Variants in DENND2C observed in about 807,000 individuals in gnomAD.
The protein encoded by DENND2C is DENN domain containing 2C, also known as DENN domain-containing protein 2C.
In DENND2C, 72 loss-of-function variants were observed where a neutral mutation model predicts 112.4. That is an observed-to-expected ratio of 0.64 (90% confidence interval 0.53 to 0.78). The LOEUF (loss-of-function observed/expected upper bound fraction) is 0.78. DENND2C is among the 30% of genes least tolerant of loss of function. The pLI is 0.00. For missense variants in DENND2C, 992 were observed against 1,113.8 expected (o/e 0.89, Z 1.56); for synonymous variants, 329 against 381.6 (o/e 0.86, Z 1.61).
intron 7 of DENND2C, among the ~76,000 whole-genome samples, chr1:114,621,370 C>T (rs899399678): frequency 6.6e-6 from 1 of 152,238 alleles, no homozygotes; most frequent in African/African-American, 2.4e-5. Context: ...GACTTACTGC[C>T]TTTTCTCCCT....
rs775863353 is a variant in DENND2C, at chr1:114,625,302, T to A, written c.683A>T (p.Tyr228Phe). ...RYLSESGVTP[Y>F]KERNCDKKYC... ...TTTTTTGTCACAGTTTCTTTCTTTA[T>A]ACGGCGTAACACCAGATTCGGATAA... Residue 228 changes from tyrosine to phenylalanine, a missense_variant, in exon 4 of 21, where the codon TAT (tyrosine) becomes TTT (phenylalanine). Physicochemically the swap from Tyr to Phe is conservative, Grantham distance 22. Around this residue, in one of 3 missense-constraint regions of DENND2C, gnomAD observed 470 missense variants for 472.7 expected, o/e 0.99. Transcript: ENST00000393274. The A allele has an allele frequency of 6.2e-7, 1 of 1,614,224 alleles. No homozygotes were observed. The highest frequency in any genetic ancestry group is 8.5e-7 in the Non-Finnish European group (1 of 1,180,034).
chr1:114,595,929 G>C (rs1655330410), intron 16 of DENND2C, 56 bp from the exon 17 acceptor site: 2 of 1,500,282 alleles, frequency 1.3e-6, no homozygotes, highest in East Asian at 4.5e-5. Context: ...GACAAATACA[G>C]GCAATGAGAA....
chr1:114,621,251 T>G (rs116470470), intron 7 of DENND2C, among the ~76,000 whole-genome samples: 2 of 152,144 alleles, frequency 1.3e-5, no homozygotes, highest in Non-Finnish European at 2.9e-5. Context: ...AGCGAGACTC[T>G]GTCTCTACAA....
intron 20 of DENND2C, chr1:114,586,819 C>G (rs563838621): frequency 6.6e-6 from 1 of 151,618 alleles, no homozygotes; most frequent in Non-Finnish European, 1.5e-5. Flanking sequence ...CTCAAACTCC[C>G]GGGCTCCAGC....
At chr1:114,617,034 C>T (rs1309716581) in intron 8 of DENND2C, among the ~76,000 whole-genome samples, 3 of 152,102 alleles carry the variant, frequency 2.0e-5, no homozygotes, top group Non-Finnish European at 2.9e-5. Flanking sequence ...CATCAGTTCT[C>T]GTGAGACTTA....
chr1:114,607,451 TC>T (rs1014669358), intron 10 of DENND2C, among the ~76,000 whole-genome samples: 6 of 152,158 alleles, frequency 3.9e-5, no homozygotes, highest in African/African-American at 1.2e-4. Flanking sequence ...TTCCAGTTTC[TC>T]AGGAAAAGGC....
At chr1:114,635,054 G>GA (rs1164703510) in intron 3 of DENND2C, among the ~76,000 whole-genome samples, 1 of 143,172 alleles carries the variant, frequency 7.0e-6, no homozygotes, top group Non-Finnish European at 1.5e-5. Flanking sequence ...AGAAAAAAAA[G>GA]AAAAAAACTG....
chr1:114,621,199 G>A (rs187810081), intron 7 of DENND2C, among the ~76,000 whole-genome samples: 195 of 152,254 alleles, frequency 1.3e-3, no homozygotes, highest in African/African-American at 4.5e-3. Flanking sequence ...AGGGCAAGAG[G>A]ATTGCTTGAG....
chr1:114,625,515 G>C lies in DENND2C; in HGVS notation c.470C>G (p.Pro157Arg), dbSNP rs1656312301. 1.9e-6 allele frequency: 3 copies of C among 1,613,920 alleles called. No homozygotes were observed. In the African/African-American group the frequency reaches 4.0e-5, roughly 22 times the overall value. Residue 157 changes from proline to arginine, a missense_variant, in exon 4 of 21, where the codon CCC becomes CGC. Physicochemically the swap from Pro to Arg is moderately radical, Grantham distance 103. This residue lies in a region of DENND2C where 470 missense variants were observed against 472.7 expected (regional missense o/e 0.99). Coordinates refer to ENST00000393274, the MANE Select transcript of DENND2C (RefSeq NM_001256404.2). ...AGCCAAATTTAAGAGTTTATCTGGG[G>C]GAAGTGCTTCTATTTTCTTCCACAG... ...QILWKKIEALPPDKLLNLALE... is the reference protein window; with the variant it reads ...QILWKKIEALRPDKLLNLALE...
intron 3 of DENND2C, among the ~76,000 whole-genome samples, chr1:114,638,762 C>CAAAAAAA (rs35740017): frequency 1.2e-5 from 1 of 84,158 alleles, no homozygotes. Flanking sequence ...GACCTTGTCT[C>CAAAAAAA]AAAAAAAAAA....
At chr1:114,648,566 T>C (rs1184484221) in intron 2 of DENND2C, among the ~76,000 whole-genome samples, 1 of 152,208 alleles carries the variant, frequency 6.6e-6, no homozygotes, top group East Asian at 1.9e-4. Context: ...AGGACTTCTT[T>C]AAGGAAACTA....
rs1657067804 is a variant in DENND2C, at chr1:114,648,752, G to A, written c.-316-3193C>T. Among the ~76,000 whole-genome samples the A allele has an allele frequency of 5.3e-5, 8 of 152,106 alleles. 1 individual carries two copies. In the South Asian group the frequency reaches 1.7e-3, roughly 31 times the overall value. The stretch of plus-strand genomic sequence containing the variant: ...GACTCCCACCTGGTGGATAAAAAGA[G>A]CTGACATGTAGCTAAATTTTAAAGA... On this transcript the variant is annotated intron_variant, in intron 2 of 20. Transcript: ENST00000393274.
intron 18 of DENND2C, among the ~76,000 whole-genome samples, chr1:114,589,609 G>A (rs1229284329): frequency 6.6e-6 from 1 of 150,906 alleles, no homozygotes; most frequent in Non-Finnish European, 1.5e-5. Flanking sequence ...ATCCTGCCTT[G>A]ACCTCCCAAA....
chr1:114,594,131 G>A (rs951482394), intron 18 of DENND2C, among the ~76,000 whole-genome samples: 1 of 152,172 alleles, frequency 6.6e-6, no homozygotes, highest in African/African-American at 2.4e-5. Flanking sequence ...AAGGGAAGAG[G>A]ATAAGGAGCA....
chr1:114,632,845 G>A (rs1372133395), intron 3 of DENND2C, among the ~76,000 whole-genome samples: 3 of 151,946 alleles, frequency 2.0e-5, no homozygotes, highest in Admixed American at 6.6e-5. Flanking sequence ...ATGCAAATAT[G>A]AGCACATTCA....
In DENND2C at chr1:114,600,909, G is replaced by T; in HGVS notation, c.1867C>A (p.Pro623Thr). 6.2e-7 allele frequency: 1 copy of T among 1,613,896 alleles called. No homozygotes were observed. Among genetic ancestry groups the T allele is most frequent in the Non-Finnish European group, 8.5e-7 (1 of 1,179,882 alleles). The change falls in exon 14 of 21, where the codon CCA becomes ACA. Residue 623 changes from proline (P) to threonine (T), a missense_variant. Physicochemically the swap from Pro to Thr is conservative, Grantham distance 38 (BLOSUM62 -1). Around this residue, in one of 3 missense-constraint regions of DENND2C, gnomAD observed 516 missense variants for 623.6 expected, o/e 0.83. Transcript: ENST00000393274. ...RREMSPALVY[P>T]FMRSVMEAPF... ...GCTTCCATGACACTTCGCATGAATG[G>T]GTAAACAAGGGCTGGAGACATTTCT...
intron 1 of DENND2C, among the ~76,000 whole-genome samples, chr1:114,662,941 CAG>C (rs1657538659): frequency 6.7e-6 from 1 of 150,270 alleles, no homozygotes; most frequent in Non-Finnish European, 1.5e-5. Context: ...GCCTGGGTGA[CAG>C]AGAAAGACCA....
chr1:114,630,920 G>A (rs1656471845), intron 3 of DENND2C, among the ~76,000 whole-genome samples: 1 of 152,140 alleles, frequency 6.6e-6, no homozygotes, highest in Admixed American at 6.6e-5. Flanking sequence ...AGAAACAAGA[G>A]GTCATGATTT....
At chr1:114,597,417 C>G (rs573104327) in intron 16 of DENND2C, among the ~76,000 whole-genome samples, 8 of 152,030 alleles carry the variant, frequency 5.3e-5, no homozygotes, top group African/African-American at 1.9e-4. Flanking sequence ...GCACTCCAGC[C>G]TGGGGGACAA....
Sources: allele counts gnomAD v4.1 joint callset (sites outside exome capture counted in the v4.1 genomes callset), GRCh38; gene constraint gnomAD v4.1.1; regional missense constraint gnomAD v4.1.1; transcripts MANE v1.5; gene names NCBI Gene and HGNC (gene_info 2026-07-23, HGNC 2026-07-21).